Variants in GALNT13 observed in about 807,000 individuals in gnomAD.
The protein encoded by GALNT13 is UDP-GalNAc:polypeptide N-acetylgalactosaminyltransferase 13.
A neutral mutation model predicts 64.2 loss-of-function variants in GALNT13; 28 were observed. The ratio of observed to expected loss-of-function variants is 0.44; its 90% CI spans 0.32 to 0.60. The LOEUF (loss-of-function observed/expected upper bound fraction) is 0.60, where lower values mean the gene tolerates loss of function less well. GALNT13 is among the 20% of genes least tolerant of loss of function. The pLI is 0.05. For missense variants in GALNT13, 577 were observed against 669.8 expected, an observed-to-expected ratio of 0.86 and a Z score of 1.53; for synonymous variants, 214 against 224.6, an observed-to-expected ratio of 0.95 and a Z score of 0.42.
chr2:153,311,492 C>T, the GALNT13 span, among the ~76,000 whole-genome samples: 1 of 152,196 alleles, frequency 6.6e-6, no homozygotes, highest in Non-Finnish European at 1.5e-5. Context: ...GTCAGGAACA[C>T]GGGAACAGTT....
the GALNT13 span, among the ~76,000 whole-genome samples, chr2:153,762,813 A>G: frequency 6.7e-6 from 1 of 149,934 alleles, no homozygotes; most frequent in African/African-American, 2.5e-5. Flanking sequence ...CTTGTGTTTT[A>G]TATATATTTT....
intron 4 of GALNT13, among the ~76,000 whole-genome samples, chr2:154,199,359 T>C (rs1029224403): frequency 1.1e-4 from 17 of 152,158 alleles, no homozygotes; most frequent in Non-Finnish European, 2.2e-4. Flanking sequence ...AAAAATGTTT[T>C]AGGTTTAGTA....
At chr2:153,654,978 C>T in the GALNT13 span, among the ~76,000 whole-genome samples, 5 of 152,030 alleles carry the variant, frequency 3.3e-5, no homozygotes, top group African/African-American at 1.2e-4. Context: ...CCTAGCATAG[C>T]ACCTAACTTA....
chr2:153,451,712 G>A, the GALNT13 span, among the ~76,000 whole-genome samples: 4 of 152,210 alleles, frequency 2.6e-5, no homozygotes, highest in South Asian at 2.1e-4. Context: ...TTTCATTTTC[G>A]ATACTGTAAA....
At chr2:153,996,351 A>G (rs1293282870) in intron 3 of GALNT13, among the ~76,000 whole-genome samples, 1 of 151,886 alleles carries the variant, frequency 6.6e-6, no homozygotes, top group African/African-American at 2.4e-5. Context: ...TATCTTTTGT[A>G]TTTTTGATAA....
the GALNT13 span, among the ~76,000 whole-genome samples, chr2:153,609,868 A>T: frequency 3.9e-5 from 6 of 152,280 alleles, no homozygotes; most frequent in East Asian, 1.2e-3. Context: ...TAGGCATAAA[A>T]CTGAGCCTTT....
chr2:153,368,681 T>C, the GALNT13 span, among the ~76,000 whole-genome samples: 3 of 152,086 alleles, frequency 2.0e-5, no homozygotes, highest in Admixed American at 2.0e-4. Context: ...AGAACACAAA[T>C]TGAAAAAGCT....
At chr2:154,253,017 G>T (rs1427306549) in intron 7 of GALNT13, among the ~76,000 whole-genome samples, 1 of 152,080 alleles carries the variant, frequency 6.6e-6, no homozygotes, top group Non-Finnish European at 1.5e-5. Flanking sequence ...TATAATCTTG[G>T]TAAACAGAGA....
rs58455059 is a variant in GALNT13, at chr2:153,963,731, CTGTGTGTGTG to C, written c.142+19134_142+19143del. On this transcript the variant is annotated intron_variant, in intron 3 of 12. Transcript: ENST00000392825. ...TCTCCGTCTCTCTCTCTCTCTCTCTCTGTGTGTGTGTGTGTGTGTGTGTGTGTGTGTGTGT... is the reference window on the plus strand; with the variant it reads ...TCTCCGTCTCTCTCTCTCTCTCTCTCTGTGTGTGTGTGTGTGTGTGTGTGT... Among the ~76,000 whole-genome samples, 846 of 100,774 alleles carry C rather than the reference CTGTGTGTGTG, an allele frequency of 8.4e-3. 8 individuals carry two copies. The highest frequency in any genetic ancestry group is 0.023 in the African/African-American group (647 of 27,764). The allele number at this position is 100,774 out of a possible 152,430, so 66.1% of individuals were successfully genotyped here.
At chr2:153,876,955 CTT>C (rs1686424818) in intron 1 of GALNT13, among the ~76,000 whole-genome samples, 1 of 152,056 alleles carries the variant, frequency 6.6e-6, no homozygotes, top group Admixed American at 6.6e-5. Context: ...CAGGCTCTCT[CTT>C]AATGTGTACA....
At chr2:153,075,223 A>G in the GALNT13 span, among the ~76,000 whole-genome samples, 1 of 152,212 alleles carries the variant, frequency 6.6e-6, no homozygotes, top group African/African-American at 2.4e-5. Context: ...TTCAGTGGAA[A>G]ATAGAATACC....
chr2:153,669,583 G>T, the GALNT13 span, among the ~76,000 whole-genome samples: 2 of 152,180 alleles, frequency 1.3e-5, no homozygotes, highest in African/African-American at 2.4e-5. Context: ...AATAGGAACA[G>T]CTCTGGTCTA....
the GALNT13 span, among the ~76,000 whole-genome samples, chr2:153,193,451 T>A: frequency 2.2e-5 from 2 of 91,482 alleles, no homozygotes; most frequent in South Asian, 8.7e-4. Context: ...TGTGGTGGGG[T>A]CGGGGGAGGG....
chr2:153,724,606 C>G, the GALNT13 span, among the ~76,000 whole-genome samples: 47 of 116,796 alleles, frequency 4.0e-4, no homozygotes, highest in Middle Eastern at 7.5e-3. Flanking sequence ...AACAAATTTA[C>G]AAGAAAAAAA....
At chr2:153,272,542 G>A in the GALNT13 span, among the ~76,000 whole-genome samples, 13 of 152,306 alleles carry the variant, frequency 8.5e-5, no homozygotes, top group East Asian at 2.1e-3. Context: ...TAGGAGAAAT[G>A]CAAATCAAAA....
chr2:153,565,606 AT>A, the GALNT13 span, among the ~76,000 whole-genome samples: 1 of 151,982 alleles, frequency 6.6e-6, no homozygotes, highest in Admixed American at 6.6e-5. Context: ...TTATGAAACC[AT>A]TTTTTTCTCG....
At chr2:153,405,610 A>G in the GALNT13 span, among the ~76,000 whole-genome samples, 1 of 152,180 alleles carries the variant, frequency 6.6e-6, no homozygotes, top group Non-Finnish European at 1.5e-5. Context: ...TCTATCAATG[A>G]GTACTAAGGG....
the GALNT13 span, among the ~76,000 whole-genome samples, chr2:153,569,166 G>A: frequency 6.6e-6 from 1 of 152,042 alleles, no homozygotes; most frequent in Non-Finnish European, 1.5e-5. Flanking sequence ...GCTAGTAGAA[G>A]CTGCCAAATA....
At chr2:153,584,666 G>C in the GALNT13 span, among the ~76,000 whole-genome samples, 1 of 152,166 alleles carries the variant, frequency 6.6e-6, no homozygotes, top group Non-Finnish European at 1.5e-5. Context: ...ACCAACAAAG[G>C]TGCCAGCATA....
Sources: gnomAD v4.1 joint callset for allele counts (sites outside exome capture counted in the v4.1 genomes callset) on GRCh38, gnomAD v4.1.1 for gene constraint, MANE v1.5 for transcripts, NCBI Gene and HGNC (gene_info 2026-07-23, HGNC 2026-07-21) for gene names.